Variants in PAX8 observed in about 807,000 individuals in gnomAD.
The protein encoded by PAX8 is paired box 8, also known as paired box protein Pax-8.
PAX8 carries 15 observed loss-of-function variants against 52.4 expected under a neutral mutation model. That is an observed-to-expected ratio of 0.29 (90% CI 0.19 to 0.44). The LOEUF is 0.44. Among genes scored for constraint, PAX8 ranks in the 20% least tolerant of loss-of-function variants. The probability of loss-of-function intolerance (pLI) is 1.00; values close to 1 mark genes in which losing one functional copy is unlikely to be tolerated. For missense variants in PAX8, 554 were observed against 602.5 expected (o/e 0.92, Z 0.84); for synonymous variants, 284 against 249.7 (o/e 1.14, Z -1.29).
chr2:113,221,685 A>G (rs746903146), intron 10 of PAX8, among the ~76,000 whole-genome samples: 1 of 152,236 alleles, frequency 6.6e-6, no homozygotes, highest in African/African-American at 2.4e-5. Context: ...ATAAAGCTCA[A>G]TGGAGGCTTA....
intron 10 of PAX8, among the ~76,000 whole-genome samples, chr2:113,221,362 C>T (rs1689264251): frequency 2.6e-5 from 4 of 152,276 alleles, no homozygotes; most frequent in African/African-American, 7.2e-5. Flanking sequence ...AGTCTCCTTC[C>T]CCAGACTCTT....
In PAX8 at chr2:113,242,086, A is replaced by T; in HGVS notation, c.523T>A (p.Ser175Thr). 6 of 1,613,556 alleles carry T rather than the reference A, an allele frequency of 3.7e-6. No homozygotes were observed. Among genetic ancestry groups the T allele is most frequent in the Non-Finnish European group, 5.1e-6 (6 of 1,179,618 alleles). The change falls in exon 6 of 12, where the codon TCC becomes ACC. Residue 175 changes from serine to threonine, a missense_variant. Coordinates refer to ENST00000429538, the MANE Select transcript of PAX8 (RefSeq NM_003466.4). ...VTPPESPQSD[S>T]LGSTYSINGL... ...TTGATGGAGTAGGTGGAGCCCAGGG[A>T]ATCCGACTGGGGTGACTCCGGGGGA...
At position 113,217,354 on chromosome 2, in the gene PAX8, G is replaced by A. The variant is rs1200353555; in HGVS notation, c.*1179C>T. The A allele has an allele frequency of 8.9e-6, 2 of 225,270 alleles. No individual in the cohort carries two copies. The highest frequency in any genetic ancestry group is 4.5e-5 in the African/African-American group (2 of 44,804). 14.0% of individuals were successfully genotyped at this position (225,270 alleles called of 1,614,324 possible). The stretch of plus-strand genomic sequence containing the variant: ...GCCTCCTTCCCCAGCCAACCCCAAA[G>A]CCTGAGATGAAGAGCAATGGTTTAT... On this transcript the variant is annotated 3_prime_UTR_variant, in exon 12 of 12. Coordinates refer to ENST00000429538, the MANE Select transcript of PAX8 (RefSeq NM_003466.4).
chr2:113,242,618 G>T, intron 5 of PAX8, 72 bp downstream of exon 5: 1 of 989,412 alleles, frequency 1.0e-6, no homozygotes, highest in Non-Finnish European at 1.6e-6. Context: ...GTGTGCCTCT[G>T]TGTATATGTG....
intron 10 of PAX8, among the ~76,000 whole-genome samples, chr2:113,223,754 A>T (rs945254107): frequency 3.9e-5 from 6 of 152,192 alleles, no homozygotes; most frequent in Non-Finnish European, 5.9e-5. Context: ...ATGTTCATTC[A>T]TTGACTTATT....
At chr2:113,261,543 T>C (rs1692678677) in intron 2 of PAX8, among the ~76,000 whole-genome samples, 1 of 152,190 alleles carries the variant, frequency 6.6e-6, no homozygotes, top group East Asian at 1.9e-4. Context: ...GCTTACAGAC[T>C]ATGAAGGTGG....
intron 2 of PAX8, among the ~76,000 whole-genome samples, chr2:113,262,936 C>T (rs1260376595): frequency 6.6e-6 from 1 of 152,194 alleles, no homozygotes; most frequent in Non-Finnish European, 1.5e-5. Flanking sequence ...GTTTGTAGTA[C>T]TTTGTCACTG....
At chr2:113,254,024 A>G (rs1188490183) in intron 2 of PAX8, among the ~76,000 whole-genome samples, 3 of 152,256 alleles carry the variant, frequency 2.0e-5, no homozygotes. Flanking sequence ...ATTAAATTAT[A>G]TTAGGTGTTC....
chr2:113,242,251 C>G, intron 5 of PAX8, 121 bp from the exon 6 acceptor site: 1 of 745,142 alleles, frequency 1.3e-6, no homozygotes. Flanking sequence ...GGGAGAGGAG[C>G]AAGGGGTGGG....
At chr2:113,253,738 A>G (rs536335332) in intron 2 of PAX8, among the ~76,000 whole-genome samples, 24 of 152,280 alleles carry the variant, frequency 1.6e-4, no homozygotes, top group African/African-American at 5.8e-4. Context: ...TTCTAATAAC[A>G]TGCTTTACCT....
intron 2 of PAX8, among the ~76,000 whole-genome samples, chr2:113,251,857 G>A (rs1258652340): frequency 1.3e-5 from 2 of 152,182 alleles, no homozygotes; most frequent in Non-Finnish European, 2.9e-5. Flanking sequence ...TCATAGCACT[G>A]ACTGCATTGA....
At position 113,235,487 on chromosome 2, in the gene PAX8, G is replaced by A. The variant is rs371246550; in HGVS notation, c.994C>T (p.Leu332=). The change falls in exon 9 of 12, where the codon CTG becomes TTG. Residue 332 remains leucine (L), a synonymous_variant. Coordinates refer to ENST00000429538, the MANE Select transcript of PAX8 (RefSeq NM_003466.4). The part of the protein sequence containing the change: ...SSLSSSAFLD[L]QQVGSGVPPF... Reference sequence around the variant, plus strand: ...GGGACCCCGGAGCCGACTTGCTGCAGATCCAAAAAGGCGGAGCTAGATAAA... The same window carrying A: ...GGGACCCCGGAGCCGACTTGCTGCAAATCCAAAAAGGCGGAGCTAGATAAA... 23 of 1,613,756 alleles carry A rather than the reference G, an allele frequency of 1.4e-5. No homozygotes were observed. The highest frequency in any genetic ancestry group is 1.6e-4 in the Middle Eastern group (1 of 6,084).
In PAX8 at chr2:113,217,135, A is replaced by G. The variant is rs1001896077; in HGVS notation, c.*1398T>C. On this transcript the variant is annotated 3_prime_UTR_variant, in exon 12 of 12. Transcript: ENST00000429538. ...TCTATGGTTGGCTCAGTACTGTGCTATCCTTGCATTTGCTCAGTGTTGAAG... is the reference window on the plus strand; with the variant it reads ...TCTATGGTTGGCTCAGTACTGTGCTGTCCTTGCATTTGCTCAGTGTTGAAG... 9 of 228,756 alleles carry G rather than the reference A, an allele frequency of 3.9e-5. No individual in the cohort carries two copies. The highest frequency in any genetic ancestry group is 6.1e-5 in the Non-Finnish European group (7 of 115,122). 14.2% of individuals were successfully genotyped at this position (228,756 alleles called of 1,614,324 possible). A position where few individuals can be genotyped will look rare whatever the true frequency, so the allele number is the denominator to read the frequency against.
chr2:113,235,433 A>C lies in PAX8; in HGVS notation c.1048T>G (p.Ser350Ala). ...TGGCCCGTGAACTGCCCGTACACGG[A>C]GGCAGCATGGGGAAAGGCATTGAAG... ...PPFNAFPHAA[S>A]VYGQFTGQAL... Residue 350 changes from serine (S) to alanine (A), a missense_variant, in exon 9 of 12, where the codon TCC becomes GCC. Transcript: ENST00000429538. 2 of 1,605,754 alleles carry C rather than the reference A, an allele frequency of 1.2e-6. No individual in the cohort carries two copies. The highest frequency in any genetic ancestry group is 2.2e-5 in the South Asian group (2 of 89,666).
Position 113,255,288 on chromosome 2 carries a change from A to AG in PAX8, c.26-8370dup, listed in dbSNP as rs1486564043. The AG allele has an allele frequency of 4.2e-3, 20 of 4,746 alleles. 1 individual carries two copies. The highest frequency in any genetic ancestry group is 5.0e-3 in the Non-Finnish European group (14 of 2,822). 0.3% of individuals were successfully genotyped at this position (4,746 alleles called of 1,614,324 possible). On this transcript the variant is annotated intron_variant, in intron 2 of 11. Coordinates refer to ENST00000429538, the MANE Select transcript of PAX8 (RefSeq NM_003466.4). Reference sequence around the variant, plus strand: ...GAGGGGAGGAGGGAGGGGAGGAGGGAGGGAGGAGGGAGGGGAGGAGGGAGG... The same window carrying AG: ...GAGGGGAGGAGGGAGGGGAGGAGGGAGGGGAGGAGGGAGGGGAGGAGGGAGG...
At position 113,218,438 on chromosome 2, in the gene PAX8, A is replaced by C; in HGVS notation, c.*95T>G. The C allele has an allele frequency of 1.5e-6, 1 of 651,456 alleles. No homozygotes were observed. The highest frequency in any genetic ancestry group is 2.6e-6 in the Non-Finnish European group (1 of 386,654). The allele number at this position is 651,456 out of a possible 1,614,324, so 40.4% of individuals were successfully genotyped here. A position where few individuals can be genotyped will look rare whatever the true frequency, so the allele number is the denominator to read the frequency against. On this transcript the variant is annotated 3_prime_UTR_variant, in exon 12 of 12. Coordinates refer to ENST00000429538, the MANE Select transcript of PAX8 (RefSeq NM_003466.4). ...AATGCTGGACTTGTGGTTATTTTTCATGTAATAAATAAAGATTCCTTTGTG... is the reference window on the plus strand; with the variant it reads ...AATGCTGGACTTGTGGTTATTTTTCCTGTAATAAATAAAGATTCCTTTGTG...
chr2:113,254,005 T>C (rs1691997046), intron 2 of PAX8, among the ~76,000 whole-genome samples: 1 of 152,244 alleles, frequency 6.6e-6, no homozygotes. Context: ...TTCTTTCGTT[T>C]TGATCATTAT....
intron 4 of PAX8, 44 bp downstream of exon 4, chr2:113,244,383 C>G: frequency 6.7e-7 from 1 of 1,487,920 alleles, no homozygotes; most frequent in Non-Finnish European, 9.4e-7. Flanking sequence ...TTCCCCAAAG[C>G]CCAGGGGCCC....
intron 7 of PAX8, chr2:113,236,968 GC>G: frequency 1.8e-6 from 1 of 547,232 alleles, no homozygotes; most frequent in Non-Finnish European, 3.3e-6. Flanking sequence ...GAGAGTCTCA[GC>G]CAGAGGACCA....
Sources: allele counts gnomAD v4.1 joint callset (sites outside exome capture counted in the v4.1 genomes callset), GRCh38; gene constraint gnomAD v4.1.1; transcripts MANE v1.5; gene names NCBI Gene and HGNC (gene_info 2026-07-23, HGNC 2026-07-21).